PDE1A: variants seen among roughly 807,000 people sequenced by gnomAD.
PDE1A encodes dual specificity calcium/calmodulin-dependent 3',5'-cyclic nucleotide phosphodiesterase 1A.
Under a neutral mutation model 61.7 loss-of-function variants are expected in PDE1A, and 35 were observed. The ratio of observed to expected loss-of-function variants is 0.57; its 90% CI spans 0.43 to 0.75. The LOEUF (loss-of-function observed/expected upper bound fraction) is 0.75, where lower values mean the gene tolerates loss of function less well. Among genes scored for constraint, PDE1A ranks in the 30% least tolerant of loss-of-function variants. The pLI, the probability that PDE1A is intolerant of heterozygous loss-of-function variation, is 0.00. For missense variants in PDE1A, 597 were observed against 630.6 expected (o/e 0.95, Z 0.57); for synonymous variants, 232 against 213.2 (o/e 1.09, Z -0.77).
At chr2:182,272,986 T>A (rs1243497925) in intron 1 of PDE1A, among the ~76,000 whole-genome samples, 1 of 152,040 alleles carries the variant, frequency 6.6e-6, no homozygotes, top group Admixed American at 6.6e-5. Flanking sequence ...AGTAAGGAAG[T>A]TGATGAAGTT....
chr2:182,362,642 T>C lies in PDE1A; in HGVS notation c.53+63936A>G, dbSNP rs114794665. Among the ~76,000 whole-genome samples the C allele has an allele frequency of 2.9e-3, 438 of 152,066 alleles. 2 individuals carry two copies. The highest frequency in any genetic ancestry group is 0.01 in the African/African-American group (416 of 41,544). ...AAACTTATCTATAAAAATGTGGTTGTTGTTGTGGAAGACAATGTAGTGATT... is the reference window on the plus strand; with the variant it reads ...AAACTTATCTATAAAAATGTGGTTGCTGTTGTGGAAGACAATGTAGTGATT... On this transcript the variant is annotated intron_variant, in intron 1 of 13. Transcript: ENST00000351439.
downstream of PDE1A, among the ~76,000 whole-genome samples, chr2:182,146,432 G>A (rs975249884): frequency 1.3e-5 from 2 of 152,064 alleles, no homozygotes; most frequent in South Asian, 2.1e-4. Context: ...TTTCTTACAT[G>A]ATGTGGAAAA....
intron 1 of PDE1A, among the ~76,000 whole-genome samples, chr2:182,274,776 T>G (rs1693284866): frequency 6.6e-6 from 1 of 152,134 alleles, no homozygotes. Context: ...AAACTCATAT[T>G]TGGTTTTACA....
intron 13 of PDE1A, among the ~76,000 whole-genome samples, chr2:182,170,147 T>C (rs974068934): frequency 2.6e-5 from 4 of 152,098 alleles, no homozygotes; most frequent in African/African-American, 9.7e-5. Context: ...TACAGGTTAC[T>C]GGTTTTGAAT....
chr2:182,335,367 T>A (rs936122259), intron 1 of PDE1A, among the ~76,000 whole-genome samples: 8 of 152,140 alleles, frequency 5.3e-5, no homozygotes, highest in African/African-American at 1.4e-4. Context: ...CTTCAAACTA[T>A]ACTACAAGGT....
chr2:182,365,757 T>A (rs1018231169), intron 1 of PDE1A, among the ~76,000 whole-genome samples: 1 of 152,078 alleles, frequency 6.6e-6, no homozygotes, highest in Non-Finnish European at 1.5e-5. Flanking sequence ...TGATTGAACA[T>A]ATGCTAAAAA....
chr2:182,527,363 T>C (rs1409978903), upstream of PDE1A, among the ~76,000 whole-genome samples: 58 of 54,270 alleles, frequency 1.1e-3, 1 homozygote, highest in South Asian at 1.9e-3. Context: ...TATATATATA[T>C]ATATATATAT....
intron 2 of PDE1A, among the ~76,000 whole-genome samples, chr2:182,493,957 A>G (rs1351250632): frequency 6.6e-6 from 1 of 152,232 alleles, no homozygotes; most frequent in Non-Finnish European, 1.5e-5. Flanking sequence ...GTATTTTGCA[A>G]TGCATGCTTT....
At chr2:182,261,993 C>T (rs568836993) in intron 2 of PDE1A, among the ~76,000 whole-genome samples, 1 of 151,848 alleles carries the variant, frequency 6.6e-6, no homozygotes, top group African/African-American at 2.4e-5. Context: ...TAAGAGCACA[C>T]ATAAAAATGA....
chr2:182,230,624 A>T (rs1190416576), intron 5 of PDE1A, among the ~76,000 whole-genome samples: 1 of 152,180 alleles, frequency 6.6e-6, no homozygotes, highest in African/African-American at 2.4e-5. Flanking sequence ...GGATGGTTCT[A>T]AATGAAGTTA....
chr2:182,349,158 C>A (rs1052967983), intron 1 of PDE1A, among the ~76,000 whole-genome samples: 3 of 151,960 alleles, frequency 2.0e-5, no homozygotes, highest in Admixed American at 2.0e-4. Flanking sequence ...GCTGTGGATG[C>A]CAGGAGAAGT....
intron 2 of PDE1A, among the ~76,000 whole-genome samples, chr2:182,464,193 G>A (rs534367517): frequency 3.3e-5 from 5 of 152,180 alleles, no homozygotes; most frequent in African/African-American, 7.2e-5. Flanking sequence ...TTGTTCACCC[G>A]AAATTCTGAG....
At chr2:182,262,955 A>ATATGTGTG (rs1553559479) in intron 2 of PDE1A, among the ~76,000 whole-genome samples, 5 of 147,264 alleles carry the variant, frequency 3.4e-5, no homozygotes, top group Admixed American at 1.4e-4. Flanking sequence ...TTATTAAACA[A>ATATGTGTG]TGTGTGTGTG....
the PDE1A span, among the ~76,000 whole-genome samples, chr2:182,627,304 AAAT>A: frequency 7.1e-4 from 62 of 87,440 alleles, no homozygotes; most frequent in African/African-American, 2.5e-3. Flanking sequence ...TATTATATAT[AAAT>A]AAAATATATA....
intron 1 of PDE1A, among the ~76,000 whole-genome samples, chr2:182,351,151 A>C (rs1027971196): frequency 6.6e-6 from 1 of 152,226 alleles, no homozygotes; most frequent in Non-Finnish European, 1.5e-5. Flanking sequence ...GGGACTCTAG[A>C]AATAATTTAA....
At chr2:182,680,983 C>T in the PDE1A span, among the ~76,000 whole-genome samples, 9 of 152,178 alleles carry the variant, frequency 5.9e-5, no homozygotes, top group South Asian at 1.5e-3. Flanking sequence ...AGGTTGCTGC[C>T]GTGGAAAAGG....
At chr2:182,487,041 A>G (rs977026532) in intron 2 of PDE1A, among the ~76,000 whole-genome samples, 1 of 152,200 alleles carries the variant, frequency 6.6e-6, no homozygotes, top group African/African-American at 2.4e-5. Flanking sequence ...ACTTGTGACC[A>G]GAATTGATAA....
the PDE1A span, among the ~76,000 whole-genome samples, chr2:182,630,719 C>T: frequency 1.3e-3 from 205 of 152,094 alleles, 5 homozygotes; most frequent in Middle Eastern, 0.014. Flanking sequence ...TGTATTCTAG[C>T]TTTTTATTTA....
At chr2:182,584,684 C>T in the PDE1A span, among the ~76,000 whole-genome samples, 2 of 152,150 alleles carry the variant, frequency 1.3e-5, no homozygotes, top group Admixed American at 6.5e-5. Context: ...CCAAAGTGAA[C>T]TCTGCCCTCC....
Sources: gnomAD v4.1 joint callset for allele counts (sites outside exome capture counted in the v4.1 genomes callset) on GRCh38, gnomAD v4.1.1 for gene constraint, MANE v1.5 for transcripts, NCBI Gene and HGNC (gene_info 2026-07-23, HGNC 2026-07-21) for gene names.